The following USP34 variants were observed in gnomAD, a reference collection of about 807,000 sequenced individuals.
USP34 encodes the protein ubiquitin carboxyl-terminal hydrolase 34.
Under a neutral mutation model 460.3 loss-of-function variants are expected in USP34, and 70 were observed. The ratio of observed to expected loss-of-function variants is 0.15; its 90% CI spans 0.13 to 0.19. The LOEUF (loss-of-function observed/expected upper bound fraction) is 0.19, where lower values mean the gene tolerates loss of function less well. Among genes scored for constraint, USP34 ranks in the 10% least tolerant of loss-of-function variants. The pLI is 1.00. For missense variants in USP34, 3,985 were observed against 4,236.2 expected (o/e 0.94, Z 1.65); for synonymous variants, 1,647 against 1,405.3 (o/e 1.17, Z -3.85).
intron 53 of USP34, among the ~76,000 whole-genome samples, chr2:61,236,954 T>C (rs1477144861): frequency 2.6e-5 from 4 of 152,222 alleles, no homozygotes; most frequent in African/African-American, 9.6e-5. Context: ...TACTAGCTGT[T>C]TTTTGTAGAG....
chr2:61,207,681 T>G (rs79187798), intron 70 of USP34: 61 of 151,858 alleles, frequency 4.0e-4, no homozygotes, highest in African/African-American at 1.2e-3. Context: ...AAAAAAAAAT[T>G]TTTTTTTTCT....
chr2:61,262,357 A>G (rs1008250622), intron 43 of USP34, among the ~76,000 whole-genome samples: 1 of 152,230 alleles, frequency 6.6e-6, no homozygotes, highest in African/African-American at 2.4e-5. Flanking sequence ...ACCCTCAGGT[A>G]GGACACAACG....
intron 22 of USP34, 149 bp from the exon 23 acceptor site, chr2:61,317,916 A>C (rs1690800043): frequency 4.9e-6 from 3 of 607,284 alleles, no homozygotes; most frequent in Non-Finnish European, 8.0e-6. Flanking sequence ...AAAAATATAT[A>C]ATAATTTTGC....
intron 1 of USP34, among the ~76,000 whole-genome samples, chr2:61,462,938 G>C (rs1000636240): frequency 1.3e-5 from 2 of 151,022 alleles, no homozygotes; most frequent in African/African-American, 4.9e-5. Flanking sequence ...GGGTGAGACA[G>C]GAAAATCACT....
chr2:61,454,182 G>A (rs1393229230), intron 1 of USP34, among the ~76,000 whole-genome samples: 1 of 151,198 alleles, frequency 6.6e-6, no homozygotes, highest in Non-Finnish European at 1.5e-5. Context: ...TGTCACCCAG[G>A]GGTGTGATCT....
At chr2:61,416,866 C>A in intron 2 of USP34, 1 of 645,052 alleles carries the variant, frequency 1.6e-6, no homozygotes, top group Non-Finnish European at 2.6e-6. Flanking sequence ...TAAGAGGGGG[C>A]AGCACAGTGG....
At chr2:61,253,154 T>C (rs979743450) in intron 48 of USP34, among the ~76,000 whole-genome samples, 4 of 152,214 alleles carry the variant, frequency 2.6e-5, no homozygotes, top group African/African-American at 9.7e-5. Context: ...TTGATTATTA[T>C]GTTAGTACAG....
chr2:61,456,291 T>C (rs559674339), intron 1 of USP34, among the ~76,000 whole-genome samples: 4 of 152,186 alleles, frequency 2.6e-5, no homozygotes, highest in Non-Finnish European at 5.9e-5. Context: ...TTGGGTGAGA[T>C]CAGCTTCAAG....
At chr2:61,404,593 A>G (rs1286182310) in intron 3 of USP34, among the ~76,000 whole-genome samples, 2 of 152,180 alleles carry the variant, frequency 1.3e-5, no homozygotes, top group African/African-American at 4.8e-5. Context: ...CTAGTGGAAA[A>G]TAAGCCATGT....
At position 61,229,645 on chromosome 2, in the gene USP34, G is replaced by C; in HGVS notation, c.7114-12C>G. On this transcript the variant is annotated splice_polypyrimidine_tract_variant and intron_variant, in intron 58 of 79. Transcript: ENST00000398571. ...AAACGCTGAAACATCTGTGAAGAAA[G>C]AAAAAGATCAAACAAGAGCCAACTC... 1.2e-6 allele frequency: 2 copies of C among 1,606,768 alleles called. No individual in the cohort carries two copies. Among genetic ancestry groups the C allele is most frequent in the Non-Finnish European group, 1.7e-6 (2 of 1,177,472 alleles).
At chr2:61,197,121 A>G (rs1686832846) in intron 75 of USP34, among the ~76,000 whole-genome samples, 1 of 151,912 alleles carries the variant, frequency 6.6e-6, no homozygotes, top group African/African-American at 2.4e-5. Context: ...TTTAAAAAAA[A>G]TAAAATACAA....
chr2:61,427,828 C>T (rs1694555452), intron 1 of USP34, among the ~76,000 whole-genome samples: 1 of 152,074 alleles, frequency 6.6e-6, no homozygotes, highest in South Asian at 2.1e-4. Context: ...ATGAAGCATG[C>T]CTACGGGATC....
chr2:61,407,289 G>A (rs1279862768), intron 2 of USP34, among the ~76,000 whole-genome samples: 3 of 150,340 alleles, frequency 2.0e-5, no homozygotes, highest in Admixed American at 6.6e-5. Flanking sequence ...CTATTCGAGA[G>A]GCTTGAGCCC....
At chr2:61,361,315 G>C (rs1184219095) in intron 10 of USP34, among the ~76,000 whole-genome samples, 1 of 152,174 alleles carries the variant, frequency 6.6e-6, no homozygotes, top group Non-Finnish European at 1.5e-5. Flanking sequence ...TAGCTATTTT[G>C]AAAGGCTGAG....
Position 61,206,876 on chromosome 2 carries a change from G to C in USP34, c.8930C>G (p.Thr2977Ser). 1 of 1,605,292 alleles carries C rather than the reference G, an allele frequency of 6.2e-7. No individual in the cohort carries two copies. Among genetic ancestry groups the C allele is most frequent in the East Asian group, 2.2e-5 (1 of 44,842 alleles). The change falls in exon 71 of 80, where the codon ACT (threonine) becomes AGT (serine). Residue 2977 changes from threonine to serine, a missense_variant. Physicochemically the swap from Thr to Ser is moderately conservative, Grantham distance 58. Transcript: ENST00000398571. ...GLILMTESFN[T>S]LHMMYHEATA... ...AGCTTCGTGATACATCATGTGCAAAGTGTTGAAAGACTACAAATGATTTGA... is the reference window on the plus strand; with the variant it reads ...AGCTTCGTGATACATCATGTGCAAACTGTTGAAAGACTACAAATGATTTGA...
At chr2:61,280,402 T>A in intron 38 of USP34, 54 bp from the exon 39 acceptor site, 1 of 863,690 alleles carries the variant, frequency 1.2e-6, no homozygotes, top group South Asian at 2.9e-5. Context: ...AATAAAATTA[T>A]AATACATTTA....
chr2:61,303,763 A>G (rs1053217042), intron 27 of USP34, among the ~76,000 whole-genome samples: 11 of 151,356 alleles, frequency 7.3e-5, no homozygotes, highest in Admixed American at 1.3e-4. Context: ...CGCCTGGCTC[A>G]TTTTTTGTAT....
At chr2:61,451,242 A>AAAAG (rs1558602611) in intron 1 of USP34, among the ~76,000 whole-genome samples, 1 of 150,680 alleles carries the variant, frequency 6.6e-6, no homozygotes. Context: ...AAAAAAAAAA[A>AAAAG]AAAGAAATGA....
Position 61,228,877 on chromosome 2 carries a change from T to C in USP34, c.7318A>G (p.Thr2440Ala). The change falls in exon 60 of 80, where the codon ACA becomes GCA. Residue 2440 changes from threonine to alanine, a missense_variant. This residue lies in a region of USP34 where 604 missense variants were observed against 684.8 expected (regional missense o/e 0.88). Coordinates refer to ENST00000398571, the MANE Select transcript of USP34 (RefSeq NM_014709.4). ...HGVKPHSKHLTEYFAFLYEFA... is the reference protein window; with the variant it reads ...HGVKPHSKHLAEYFAFLYEFA... Reference sequence around the variant, plus strand: ...TCGTAAAGGAAGGCAAAATACTCTGTAAGATGTTTACTGTGAGGTTTTACA... The same window carrying C: ...TCGTAAAGGAAGGCAAAATACTCTGCAAGATGTTTACTGTGAGGTTTTACA... The C allele has an allele frequency of 6.2e-7, 1 of 1,608,632 alleles. No homozygotes were observed. The highest frequency in any genetic ancestry group is 8.5e-7 in the Non-Finnish European group (1 of 1,177,388).
Sources: allele counts gnomAD v4.1 joint callset (sites outside exome capture counted in the v4.1 genomes callset), GRCh38; gene constraint gnomAD v4.1.1; regional missense constraint gnomAD v4.1.1; transcripts MANE v1.5; gene names NCBI Gene and HGNC (gene_info 2026-07-23, HGNC 2026-07-21).